Variants in EFL1 observed in about 807,000 individuals in gnomAD.
EFL1 encodes elongation factor like GTPase 1.
In EFL1, 76 loss-of-function variants were observed where a neutral mutation model predicts 126.7. The observed-to-expected ratio is 0.60, with a 90% CI of 0.50 to 0.73. The LOEUF (loss-of-function observed/expected upper bound fraction) is 0.73. Ranked by LOEUF, EFL1 falls within the 30% of genes least tolerant of loss-of-function variation. The probability of loss-of-function intolerance (pLI) is 0.00; values close to 1 mark genes in which losing one functional copy is unlikely to be tolerated. For missense variants in EFL1, 1,128 were observed against 1,343.2 expected (o/e 0.84, Z 2.50); for synonymous variants, 410 against 448.4 (o/e 0.91, Z 1.08).
chr15:82,159,242 C>T (rs979387331), intron 16 of EFL1, among the ~76,000 whole-genome samples: 2 of 151,908 alleles, frequency 1.3e-5, no homozygotes, highest in South Asian at 2.1e-4. Flanking sequence ...TAAAAGGATT[C>T]CTGCAAAGAT....
rs905450 is a variant in EFL1 at position 82,152,096 on chromosome 15, A to G, written c.2358T>C (p.Gly786=). The G allele has an allele frequency of 0.78, 1,258,675 of 1,613,874 alleles. 493,288 individuals carry two copies. Among genetic ancestry groups the G allele is most frequent in the Admixed American group, 0.87 (52,266 of 59,990 alleles). Residue 786 remains glycine (G), a synonymous_variant, in exon 18 of 20, where the codon GGT becomes GGC. Transcript: ENST00000268206. ...TCTGATGAATCATGTGAGTATTTTC[A>G]CCCTCATTCAAAGAGGATGTCAACT... is the stretch of plus-strand genomic sequence containing the variant. ...MEQLTSSLNE[G]ENTHMIHQKT... is the part of the protein sequence containing the mutation.
rs2073625237 is a variant in EFL1, at chr15:82,130,354, A to G, written c.*19T>C. On this transcript the variant is annotated 3_prime_UTR_variant, in exon 20 of 20. Transcript: ENST00000268206. ...TTTTAAATTCACTATAAGGAAAAGA[A>G]TCCACCAGTAGTAGGTAGCTACTTA... The G allele has an allele frequency of 1.9e-6, 3 of 1,609,726 alleles. No individual in the cohort carries two copies. The highest frequency in any genetic ancestry group is 2.5e-6 in the Non-Finnish European group (3 of 1,177,700).
chr15:82,256,716 CAT>C lies in EFL1; in HGVS notation c.159+2370_159+2371del, dbSNP rs141880916. On this transcript the variant is annotated intron_variant, in intron 3 of 19. Coordinates refer to ENST00000268206, the MANE Select transcript of EFL1 (RefSeq NM_024580.6). ...TCACAATAGATGTTGAATTTTACTA[CAT>C]GTCTTTATATCTGTTGAAATGATCA... Among the ~76,000 whole-genome samples the C allele has an allele frequency of 2.0e-3, 311 of 152,270 alleles. 3 individuals carry two copies. The highest frequency in any genetic ancestry group is 5.1e-3 in the African/African-American group (212 of 41,566).
intron 19 of EFL1, among the ~76,000 whole-genome samples, chr15:82,131,397 T>C (rs1233804441): frequency 6.6e-6 from 1 of 152,112 alleles, no homozygotes; most frequent in Non-Finnish European, 1.5e-5. Flanking sequence ...GCTCAAGTGA[T>C]CCTCCTCCCT....
intron 16 of EFL1, among the ~76,000 whole-genome samples, chr15:82,161,934 A>G (rs2074027632): frequency 6.6e-6 from 1 of 152,206 alleles, no homozygotes; most frequent in Non-Finnish European, 1.5e-5. Flanking sequence ...ACAGACTAGC[A>G]CATAACCATA....
intron 18 of EFL1, among the ~76,000 whole-genome samples, chr15:82,141,171 C>T (rs2073782471): frequency 6.6e-6 from 1 of 152,136 alleles, no homozygotes; most frequent in Admixed American, 6.5e-5. Flanking sequence ...ATTTACATCC[C>T]TCTTGGTATT....
chr15:82,205,686 C>T (rs1312489301), intron 15 of EFL1, among the ~76,000 whole-genome samples: 1 of 152,140 alleles, frequency 6.6e-6, no homozygotes, highest in Non-Finnish European at 1.5e-5. Context: ...ATTATCTGGC[C>T]TCTACATTGT....
chr15:82,238,870 T>G (rs1401131729), intron 6 of EFL1, among the ~76,000 whole-genome samples: 1 of 152,166 alleles, frequency 6.6e-6, no homozygotes, highest in African/African-American at 2.4e-5. Flanking sequence ...TTTGTAACCT[T>G]AGTCCACTGC....
At chr15:82,194,220 C>G (rs1452397269) in intron 15 of EFL1, among the ~76,000 whole-genome samples, 1 of 152,122 alleles carries the variant, frequency 6.6e-6, no homozygotes, top group Non-Finnish European at 1.5e-5. Context: ...GGTATCTATA[C>G]CATTCTAGAC....
chr15:82,207,303 T>TAC (rs1449816204), intron 15 of EFL1, among the ~76,000 whole-genome samples: 3,621 of 112,078 alleles, frequency 0.032, 160 homozygotes, highest in African/African-American at 0.13. Context: ...TATATATATA[T>TAC]ATATACACAC....
chr15:82,162,039 A>C (rs1168712365), intron 16 of EFL1, among the ~76,000 whole-genome samples: 1 of 152,140 alleles, frequency 6.6e-6, no homozygotes, highest in Non-Finnish European at 1.5e-5. Context: ...GCACTCTAAG[A>C]GGCTGAGGTG....
intron 15 of EFL1, among the ~76,000 whole-genome samples, chr15:82,188,918 CTTT>C (rs200171867): frequency 4.5e-5 from 6 of 133,586 alleles, no homozygotes; most frequent in Non-Finnish European, 4.9e-5. Flanking sequence ...TGTGTTTATG[CTTT>C]TTTTTTTTTT....
chr15:82,220,530 A>G (rs1238941845), intron 12 of EFL1, among the ~76,000 whole-genome samples: 4 of 152,198 alleles, frequency 2.6e-5, no homozygotes, highest in African/African-American at 4.8e-5. Flanking sequence ...AAAGGCAAAG[A>G]ACAGGAAGAA....
Position 82,145,303 on chromosome 15 carries a change from C to CAA in EFL1, c.2989+6160_2989+6161dup, listed in dbSNP as rs59928134. Among the ~76,000 whole-genome samples the CAA allele has an allele frequency of 1.8e-3, 171 of 96,342 alleles. 1 individual carries two copies. The highest frequency in any genetic ancestry group is 4.4e-3 in the African/African-American group (126 of 28,402). The allele number at this position is 96,342 out of a possible 152,430, so 63.2% of individuals were successfully genotyped here. On this transcript the variant is annotated intron_variant, in intron 18 of 19. Coordinates refer to ENST00000268206, the MANE Select transcript of EFL1 (RefSeq NM_024580.6). ...GGGCAACAAGAGCGAAACTCTGTCT[C>CAA]AAAAAAAAAAAAAAAAAAGTAAACA... is the stretch of plus-strand genomic sequence containing the variant.
At chr15:82,189,982 T>C (rs2074341599) in intron 15 of EFL1, among the ~76,000 whole-genome samples, 2 of 151,876 alleles carry the variant, frequency 1.3e-5, no homozygotes, top group Non-Finnish European at 2.9e-5. Context: ...CGGAGGGGGA[T>C]GGTGCGTGCC....
intron 15 of EFL1, among the ~76,000 whole-genome samples, chr15:82,193,604 G>A (rs1471712587): frequency 6.6e-6 from 1 of 152,278 alleles, no homozygotes; most frequent in African/African-American, 2.4e-5. Flanking sequence ...ACAAAAAGAT[G>A]ACTCATTTTG....
intron 6 of EFL1, among the ~76,000 whole-genome samples, chr15:82,239,894 T>C (rs1169496701): frequency 6.6e-6 from 1 of 152,196 alleles, no homozygotes; most frequent in Non-Finnish European, 1.5e-5. Context: ...TCTATGCTGT[T>C]ATATCACACC....
At chr15:82,260,552 G>T (rs1482680508) in intron 2 of EFL1, among the ~76,000 whole-genome samples, 2 of 152,112 alleles carry the variant, frequency 1.3e-5, no homozygotes, top group African/African-American at 4.8e-5. Flanking sequence ...GCTCCCTACT[G>T]CCTAATAGTA....
intron 17 of EFL1, among the ~76,000 whole-genome samples, chr15:82,153,629 C>T (rs2073936676): frequency 6.6e-6 from 1 of 152,134 alleles, no homozygotes; most frequent in East Asian, 1.9e-4. Context: ...AAATTTAGGT[C>T]TGACTTCAGA....
Sources: allele counts gnomAD v4.1 joint callset (sites outside exome capture counted in the v4.1 genomes callset), GRCh38; gene constraint gnomAD v4.1.1; transcripts MANE v1.5; gene names NCBI Gene and HGNC (gene_info 2026-07-23, HGNC 2026-07-21).